RBFOX1: variants seen among roughly 807,000 people sequenced by gnomAD.
The protein encoded by RBFOX1 is RNA binding protein fox-1 homolog 1.
A neutral mutation model predicts 57.7 loss-of-function variants in RBFOX1; 8 were observed. The ratio of observed to expected loss-of-function variants is 0.14; its 90% CI spans 0.08 to 0.25. The LOEUF (loss-of-function observed/expected upper bound fraction) is 0.25. RBFOX1 is among the 10% of genes least tolerant of loss of function. The pLI, the probability that RBFOX1 is intolerant of heterozygous loss-of-function variation, is 1.00. For missense variants in RBFOX1, 611 were observed against 548.5 expected, an observed-to-expected ratio of 1.11 and a Z score of -1.14; for synonymous variants, 326 against 222.4, an observed-to-expected ratio of 1.47 and a Z score of -4.15.
At chr16:5,390,024 G>C (rs1482848942) in intron 1 of RBFOX1, among the ~76,000 whole-genome samples, 1 of 151,982 alleles carries the variant, frequency 6.6e-6, no homozygotes, top group East Asian at 1.9e-4. Flanking sequence ...AAATAGGGCT[G>C]TACTTTCCAT....
chr16:5,314,051 A>G (rs2151228904), intron 1 of RBFOX1, among the ~76,000 whole-genome samples: 1 of 152,340 alleles, frequency 6.6e-6, no homozygotes, highest in South Asian at 2.1e-4. Flanking sequence ...TAATGATCGC[A>G]TAATGTGAGC....
chr16:6,004,162 C>T (rs557563107), intron 4 of RBFOX1, among the ~76,000 whole-genome samples: 14 of 152,198 alleles, frequency 9.2e-5, no homozygotes, highest in South Asian at 2.1e-4. Context: ...CAAACCTGCA[C>T]GTCTTACACA....
At chr16:6,459,875 T>C (rs1212908411) in intron 2 of RBFOX1, among the ~76,000 whole-genome samples, 1 of 151,196 alleles carries the variant, frequency 6.6e-6, no homozygotes, top group Non-Finnish European at 1.5e-5. Context: ...TCCCAGCTAC[T>C]TGGGAGGCTG....
intron 1 of RBFOX1, among the ~76,000 whole-genome samples, chr16:6,267,936 A>T (rs2074729882): frequency 6.6e-6 from 1 of 152,136 alleles, no homozygotes; most frequent in African/African-American, 2.4e-5. Context: ...TTAAAATTTG[A>T]CCTTTTCCCT....
intron 1 of RBFOX1, among the ~76,000 whole-genome samples, chr16:5,317,358 C>A (rs1005742452): frequency 3.9e-5 from 6 of 152,162 alleles, no homozygotes; most frequent in African/African-American, 1.4e-4. Context: ...TCTGTAATCC[C>A]AGCAGTTTAG....
intron 4 of RBFOX1, among the ~76,000 whole-genome samples, chr16:5,872,242 G>A (rs2057492223): frequency 1.3e-5 from 2 of 152,180 alleles, no homozygotes; most frequent in Non-Finnish European, 2.9e-5. Context: ...CTGTTGAGCT[G>A]TTTCATCAAG....
intron 1 of RBFOX1, among the ~76,000 whole-genome samples, chr16:6,044,432 C>T (rs1323517409): frequency 6.6e-6 from 1 of 151,596 alleles, no homozygotes; most frequent in Middle Eastern, 3.2e-3. Flanking sequence ...CTGCCCCTTC[C>T]ATATTCGCAA....
intron 3 of RBFOX1, among the ~76,000 whole-genome samples, chr16:6,663,042 G>T (rs562837774): frequency 2.2e-4 from 33 of 152,264 alleles, no homozygotes; most frequent in Admixed American, 1.0e-3. Flanking sequence ...TTTGCATTTT[G>T]TAAGTTTCAA....
chr16:6,014,368 C>T (rs2094980742), upstream of RBFOX1, among the ~76,000 whole-genome samples: 1 of 152,148 alleles, frequency 6.6e-6, no homozygotes, highest in Non-Finnish European at 1.5e-5. Context: ...ATCATGTTTA[C>T]TATTTCAAAG....
Position 7,120,244 on chromosome 16 carries a change from C to G in RBFOX1, c.27+68146C>G, listed in dbSNP as rs574799402. On this transcript the variant is annotated intron_variant, in intron 4 of 15. Coordinates refer to ENST00000550418, the MANE Select transcript of RBFOX1 (RefSeq NM_018723.4). Reference sequence around the variant, plus strand: ...TTCTATTAGAGAATAAGAACGTTCTCAAATCAACAATGTAAGTGCATATCA... The same window carrying G: ...TTCTATTAGAGAATAAGAACGTTCTGAAATCAACAATGTAAGTGCATATCA... 7.9e-5 allele frequency among the ~76,000 whole-genome samples: 12 copies of G among 151,574 alleles called. No individual in the cohort carries two copies. In the East Asian group the frequency reaches 2.3e-3, roughly 29 times the overall value.
At chr16:5,680,788 C>T (rs916711870) in intron 3 of RBFOX1, among the ~76,000 whole-genome samples, 1 of 152,130 alleles carries the variant, frequency 6.6e-6, no homozygotes, top group African/African-American at 2.4e-5. Flanking sequence ...TTCTCATCCT[C>T]AACAAATACT....
At chr16:7,571,634 G>A (rs147125807) in intron 5 of RBFOX1, among the ~76,000 whole-genome samples, 22 of 152,200 alleles carry the variant, frequency 1.4e-4, no homozygotes, top group African/African-American at 3.6e-4. Flanking sequence ...CACAGATCCC[G>A]CCTCCTAATA....
intron 3 of RBFOX1, among the ~76,000 whole-genome samples, chr16:5,683,171 C>T (rs552431352): frequency 4.0e-5 from 6 of 151,582 alleles, no homozygotes; most frequent in South Asian, 4.2e-4. Flanking sequence ...GGGGTGGGGG[C>T]GCCAGATCCT....
At chr16:7,179,503 A>C (rs2082283883) in intron 4 of RBFOX1, among the ~76,000 whole-genome samples, 1 of 152,160 alleles carries the variant, frequency 6.6e-6, no homozygotes, top group South Asian at 2.1e-4. Context: ...GCCAGGCTGC[A>C]GACCAATTAA....
intron 1 of RBFOX1, among the ~76,000 whole-genome samples, chr16:5,418,792 C>G (rs910673055): frequency 6.6e-6 from 1 of 152,154 alleles, no homozygotes; most frequent in Non-Finnish European, 1.5e-5. Flanking sequence ...TTATGGAGAA[C>G]CTACAATAGT....
intron 3 of RBFOX1, among the ~76,000 whole-genome samples, chr16:5,753,283 G>C (rs1273629000): frequency 5.3e-5 from 8 of 151,966 alleles, no homozygotes; most frequent in Non-Finnish European, 1.0e-4. Context: ...AAAGATTTTA[G>C]TGCCATTACA....
At chr16:7,172,676 G>T (rs1247183989) in intron 4 of RBFOX1, among the ~76,000 whole-genome samples, 1 of 152,190 alleles carries the variant, frequency 6.6e-6, no homozygotes, top group Non-Finnish European at 1.5e-5. Flanking sequence ...GCAGCACAAG[G>T]CTGAAAGCAG....
intron 2 of RBFOX1, among the ~76,000 whole-genome samples, chr16:5,597,894 C>T (rs1172539672): frequency 1.3e-5 from 2 of 152,192 alleles, no homozygotes; most frequent in Admixed American, 6.5e-5. Context: ...GCTGTGTTAC[C>T]TTGGACAAAT....
At chr16:7,316,907 G>C (rs773091807) in intron 4 of RBFOX1, among the ~76,000 whole-genome samples, 1 of 151,474 alleles carries the variant, frequency 6.6e-6, no homozygotes, top group Non-Finnish European at 1.5e-5. Context: ...GACGACTGGA[G>C]TTTGGAAATC....
Sources: allele counts gnomAD v4.1 joint callset (sites outside exome capture counted in the v4.1 genomes callset), GRCh38; gene constraint gnomAD v4.1.1; transcripts MANE v1.5; gene names NCBI Gene and HGNC (gene_info 2026-07-23, HGNC 2026-07-21).